Variants in RNF141 observed in about 807,000 individuals in gnomAD.
RNF141 encodes the protein C3HC4-like zinc finger protein.
In RNF141, 18 loss-of-function variants were observed where a neutral mutation model predicts 27.4. The observed-to-expected ratio is 0.66, with a 90% confidence interval of 0.45 to 0.97. RNF141 has a LOEUF of 0.97. Among genes scored for constraint, RNF141 ranks in the 50% least tolerant of loss-of-function variants. The pLI is 0.00. For missense variants in RNF141, 230 were observed against 279.4 expected (o/e 0.82, Z 1.26); for synonymous variants, 97 against 96.6 (o/e 1.00, Z -0.02).
intron 4 of RNF141, 39 bp from the exon 5 acceptor site, chr11:10,519,180 T>G: frequency 6.5e-7 from 1 of 1,543,560 alleles, no homozygotes; most frequent in Non-Finnish European, 8.9e-7. Flanking sequence ...TTATATTCTC[T>G]GTCATTATGC....
At chr11:10,519,501 CAG>C (rs1358470882) in intron 4 of RNF141, among the ~76,000 whole-genome samples, 1 of 152,134 alleles carries the variant, frequency 6.6e-6, no homozygotes, top group Non-Finnish European at 1.5e-5. Flanking sequence ...GCATTAAAGA[CAG>C]AGATACGGTC....
rs180853083 is a variant in RNF141 at position 10,526,640 on chromosome 11, G to A, written c.253-1267C>T. ...CTACTAAAAGTACAAAAAATTAGCT[G>A]AGCATGGTGGCACACGCCTATAGTC... is the stretch of plus-strand genomic sequence containing the variant. On this transcript the variant is annotated intron_variant, in intron 3 of 5. Transcript: ENST00000265981. 1.8e-3 allele frequency among the ~76,000 whole-genome samples: 276 copies of A among 152,168 alleles called. 1 individual carries two copies. Among genetic ancestry groups the A allele is most frequent in the African/African-American group, 6.4e-3 (264 of 41,526 alleles).
intron 3 of RNF141, among the ~76,000 whole-genome samples, chr11:10,526,840 A>G (rs765416899): frequency 1.3e-5 from 2 of 152,210 alleles, no homozygotes; most frequent in Non-Finnish European, 2.9e-5. Context: ...AACCATCTCT[A>G]ATAATCAGAA....
At chr11:10,527,150 G>A (rs190401549) in intron 3 of RNF141, among the ~76,000 whole-genome samples, 3 of 152,332 alleles carry the variant, frequency 2.0e-5, no homozygotes, top group Admixed American at 2.0e-4. Flanking sequence ...GTACCATTAT[G>A]TGGATGTTAT....
At chr11:10,523,297 G>C (rs1284318155) in intron 4 of RNF141, among the ~76,000 whole-genome samples, 1 of 152,198 alleles carries the variant, frequency 6.6e-6, no homozygotes, top group African/African-American at 2.4e-5. Context: ...TAATAGGTTA[G>C]AGCACAGCTG....
At chr11:10,532,528 CA>C (rs751337438) in intron 2 of RNF141, among the ~76,000 whole-genome samples, 10,143 of 146,692 alleles carry the variant, frequency 0.069, 362 homozygotes, top group Middle Eastern at 0.14. Flanking sequence ...CACACACACA[CA>C]CACACACACC....
rs559894837 is a variant in RNF141, at chr11:10,511,959, C to A, written c.*2957G>T. 1 of 152,764 alleles carries A rather than the reference C, an allele frequency of 6.5e-6. No individual in the cohort carries two copies. Among genetic ancestry groups the A allele is most frequent in the Admixed American group, 6.5e-5 (1 of 15,306 alleles). The allele number at this position is 152,764 out of a possible 1,614,324, so 9.5% of individuals were successfully genotyped here. On this transcript the variant is annotated 3_prime_UTR_variant, in exon 6 of 6. Transcript: ENST00000265981. ...CACTTGCGAAAGATTATTTATTGCA[C>A]AATTTATCAGTGGGTACTAAGAATA...
chr11:10,534,283 A>C, intron 1 of RNF141, 78 bp from the exon 2 acceptor site: 2 of 985,874 alleles, frequency 2.0e-6, no homozygotes, highest in Non-Finnish European at 3.0e-6. Flanking sequence ...AACATAAAGA[A>C]AAACTAGGGA....
chr11:10,521,267 T>C (rs1849885878), intron 4 of RNF141, among the ~76,000 whole-genome samples: 1 of 152,208 alleles, frequency 6.6e-6, no homozygotes, highest in South Asian at 2.1e-4. Flanking sequence ...AATCAACACT[T>C]GCCTCAATGA....
In RNF141 at chr11:10,512,000, T is replaced by G. The variant is rs142553303; in HGVS notation, c.*2916A>C. The G allele has an allele frequency of 2.0e-5, 3 of 152,664 alleles. No homozygotes were observed. The highest frequency in any genetic ancestry group is 4.4e-5 in the Non-Finnish European group (3 of 68,042). 9.5% of individuals were successfully genotyped at this position (152,664 alleles called of 1,614,324 possible). On this transcript the variant is annotated 3_prime_UTR_variant, in exon 6 of 6. Coordinates refer to ENST00000265981, the MANE Select transcript of RNF141 (RefSeq NM_016422.4). Reference sequence around the variant, plus strand: ...ACTAAGAATAACACAGATCCTATTATTCTCAACCTCTAAATTCAGTACATA... The same window carrying G: ...ACTAAGAATAACACAGATCCTATTAGTCTCAACCTCTAAATTCAGTACATA...
rs569779646 is a variant in RNF141 at position 10,514,833 on chromosome 11, G to A, written c.*83C>T. On this transcript the variant is annotated 3_prime_UTR_variant, in exon 6 of 6. Coordinates refer to ENST00000265981, the MANE Select transcript of RNF141 (RefSeq NM_016422.4). ...GGGGAAAATGGATTTTCCTGTGTCT[G>A]TGCCAGTGCCACAACCCTACATTCT... is the stretch of plus-strand genomic sequence containing the variant. The A allele has an allele frequency of 3.0e-6, 4 of 1,316,882 alleles. No individual in the cohort carries two copies. Among genetic ancestry groups the A allele is most frequent in the East Asian group, 5.1e-5 (2 of 39,486 alleles). The allele number at this position is 1,316,882 out of a possible 1,614,324, so 81.6% of individuals were successfully genotyped here.
chr11:10,518,078 C>A (rs930962990), intron 5 of RNF141, among the ~76,000 whole-genome samples: 1 of 152,058 alleles, frequency 6.6e-6, no homozygotes, highest in Non-Finnish European at 1.5e-5. Flanking sequence ...GGAAGATGCA[C>A]TAGTAAGAAA....
chr11:10,515,211 A>G (rs1173432952), intron 5 of RNF141, 145 bp from the exon 6 acceptor site: 1 of 880,524 alleles, frequency 1.1e-6, no homozygotes, highest in Admixed American at 3.2e-5. Context: ...TCCTATCTCA[A>G]TCTTCAATTC....
At chr11:10,527,218 G>C (rs951757512) in intron 3 of RNF141, among the ~76,000 whole-genome samples, 1 of 152,150 alleles carries the variant, frequency 6.6e-6, no homozygotes, top group Admixed American at 6.5e-5. Context: ...CAAAATCCCT[G>C]CCCTCAAGCA....
At chr11:10,530,848 G>C (rs1849979669) in intron 2 of RNF141, 97 bp from the exon 3 acceptor site, 1 of 586,776 alleles carries the variant, frequency 1.7e-6, no homozygotes, top group South Asian at 3.4e-5. Flanking sequence ...TTTCAGAGAA[G>C]GAAATATGAA....
chr11:10,535,337 G>T (rs75984337), intron 1 of RNF141, among the ~76,000 whole-genome samples: 1 of 142,282 alleles, frequency 7.0e-6, no homozygotes. Flanking sequence ...ACCTAAAATA[G>T]GAAAAGGACA....
At chr11:10,526,408 T>C (rs1849935909) in intron 3 of RNF141, among the ~76,000 whole-genome samples, 1 of 152,200 alleles carries the variant, frequency 6.6e-6, no homozygotes, top group Non-Finnish European at 1.5e-5. Flanking sequence ...ATTTGAATAT[T>C]GTAAATGAAA....
intron 1 of RNF141, among the ~76,000 whole-genome samples, chr11:10,538,760 A>C (rs1332947244): frequency 1.3e-5 from 2 of 152,264 alleles, no homozygotes; most frequent in African/African-American, 4.8e-5. Context: ...GAGAAGCAGA[A>C]GTTAAAAATA....
Position 10,513,647 on chromosome 11 carries a change from T to C in RNF141, c.*1269A>G, listed in dbSNP as rs1849820194. The C allele has an allele frequency of 6.6e-6, 1 of 151,924 alleles. No homozygotes were observed. The highest frequency in any genetic ancestry group is 2.1e-4 in the South Asian group (1 of 4,820). The allele number at this position is 151,924 out of a possible 1,614,324, so 9.4% of individuals were successfully genotyped here. A position where few individuals can be genotyped will look rare whatever the true frequency, so the allele number is the denominator to read the frequency against. On this transcript the variant is annotated 3_prime_UTR_variant, in exon 6 of 6. Transcript: ENST00000265981. ...TATCTTCTAATTTTCATAAGTATTTTATGTATATACGGTAAAAAAGCCTCA... is the reference window on the plus strand; with the variant it reads ...TATCTTCTAATTTTCATAAGTATTTCATGTATATACGGTAAAAAAGCCTCA...
Sources: allele counts gnomAD v4.1 joint callset (sites outside exome capture counted in the v4.1 genomes callset), GRCh38; gene constraint gnomAD v4.1.1; transcripts MANE v1.5; gene names NCBI Gene and HGNC (gene_info 2026-07-23, HGNC 2026-07-21).